The following TAB2 variants were observed in gnomAD, a reference collection of about 807,000 sequenced individuals.
The protein encoded by TAB2 is TGF-beta-activated kinase 1 and MAP3K7-binding protein 2.
A neutral mutation model predicts 65.0 loss-of-function variants in TAB2; 3 were observed. The observed-to-expected ratio is 0.05, with a 90% CI of 0.02 to 0.12. TAB2 has a LOEUF of 0.12. TAB2 is among the 10% of genes least tolerant of loss of function. The pLI is 1.00. For missense variants in TAB2, 623 were observed against 840.3 expected (o/e 0.74, Z 3.20); for synonymous variants, 298 against 285.1 (o/e 1.05, Z -0.46).
At position 149,225,350 on chromosome 6, in the gene TAB2, G is replaced by A. The variant is rs531584850; in HGVS notation, c.-121+6574G>A. On this transcript the variant is annotated intron_variant, in intron 1 of 1. Transcript: ENST00000606202. ...ATTGGAAGGTACTTGACTAGCGGGG[G>A]AAAGAAAAAAAAAAGAATATTGGAA... Among the ~76,000 whole-genome samples, 100 of 149,258 alleles carry A rather than the reference G, an allele frequency of 6.7e-4. No individual in the cohort carries two copies. The South Asian group carries it at 0.014, about 21-fold the overall frequency.
intron 1 of TAB2, among the ~76,000 whole-genome samples, chr6:149,356,072 A>G (rs894689931): frequency 1.3e-5 from 2 of 152,184 alleles, no homozygotes; most frequent in African/African-American, 4.8e-5. Context: ...TTAAAATTTG[A>G]ATTATTGAAT....
intron 1 of TAB2, among the ~76,000 whole-genome samples, chr6:149,328,268 ATTC>A (rs1373201123): frequency 6.6e-6 from 1 of 152,136 alleles, no homozygotes; most frequent in Admixed American, 6.5e-5. Flanking sequence ...TGCCTTACTC[ATTC>A]TTCTATTGTG....
rs1230134333 is a variant in TAB2 at position 149,397,719 on chromosome 6, T to C, written c.1719T>C (p.Thr573=). ...TTAATGAAATGGAAAATAATCTAACTCGAAGGCGCCTGAAAAGATCAAATT... is the reference window on the plus strand; with the variant it reads ...TTAATGAAATGGAAAATAATCTAACCCGAAGGCGCCTGAAAAGATCAAATT... ...SEVNEMENNL[T]RRRLKRSNSI... Residue 573 remains threonine (T), a synonymous_variant, in exon 4 of 7, where the codon ACT becomes ACC. Coordinates refer to ENST00000637181, the MANE Select transcript of TAB2 (RefSeq NM_001292034.3). The C allele has an allele frequency of 6.2e-7, 1 of 1,613,942 alleles. No homozygotes were observed. The highest frequency in any genetic ancestry group is 2.2e-5 in the East Asian group (1 of 44,864).
intron 1 of TAB2, among the ~76,000 whole-genome samples, chr6:149,261,620 G>C (rs1329213791): frequency 6.6e-6 from 1 of 152,156 alleles, no homozygotes. Context: ...TGTACTGACA[G>C]CATTGTTAAA....
At chr6:149,396,434 C>G (rs1231646736) in intron 3 of TAB2, among the ~76,000 whole-genome samples, 1 of 152,250 alleles carries the variant, frequency 6.6e-6, no homozygotes, top group Non-Finnish European at 1.5e-5. Context: ...AGGTCACCAA[C>G]TGTCTTTGTA....
chr6:149,229,987 C>T (rs760430528), intron 1 of TAB2: 16 of 152,172 alleles, frequency 1.1e-4, no homozygotes, highest in Non-Finnish European at 1.9e-4. Flanking sequence ...ACACCTCTCC[C>T]AGAAGTGGGT....
intron 1 of TAB2, among the ~76,000 whole-genome samples, chr6:149,259,783 G>C (rs182792179): frequency 6.6e-6 from 1 of 152,192 alleles, no homozygotes; most frequent in Non-Finnish European, 1.5e-5. Context: ...TGAGGAATAA[G>C]AGACATGATA....
At chr6:149,384,713 G>C (rs953463790) in intron 3 of TAB2, among the ~76,000 whole-genome samples, 1 of 152,120 alleles carries the variant, frequency 6.6e-6, no homozygotes, top group Non-Finnish European at 1.5e-5. Context: ...CTATCATTCA[G>C]CATATTCTGA....
intron 1 of TAB2, among the ~76,000 whole-genome samples, chr6:149,335,334 AAT>A (rs1491203020): frequency 6.6e-6 from 1 of 150,866 alleles, no homozygotes; most frequent in East Asian, 1.9e-4. Context: ...ATATATAAAA[AAT>A]ATATGTGTGT....
At chr6:149,224,091 G>A (rs1777215969) in intron 1 of TAB2, among the ~76,000 whole-genome samples, 1 of 152,200 alleles carries the variant, frequency 6.6e-6, no homozygotes, top group South Asian at 2.1e-4. Context: ...AAAGGGGCAT[G>A]TTGGACCCAG....
At chr6:149,407,289 C>T (rs1782697718) in intron 6 of TAB2, among the ~76,000 whole-genome samples, 1 of 152,130 alleles carries the variant, frequency 6.6e-6, no homozygotes, top group South Asian at 2.1e-4. Flanking sequence ...AATCTTCCTA[C>T]CCTTTTTGAA....
chr6:149,268,432 A>G (rs1294891024), intron 1 of TAB2, among the ~76,000 whole-genome samples: 2 of 152,246 alleles, frequency 1.3e-5, no homozygotes, highest in Admixed American at 1.3e-4. Context: ...AGAGGTGAGA[A>G]TGAATGTTCT....
At chr6:149,235,250 C>T (rs1373470594) in intron 1 of TAB2, among the ~76,000 whole-genome samples, 1 of 152,188 alleles carries the variant, frequency 6.6e-6, no homozygotes, top group Non-Finnish European at 1.5e-5. Context: ...TCCCGGATGA[C>T]ACACTGTAAG....
In TAB2 at chr6:149,369,981, G is replaced by C. The variant is rs1346204487; in HGVS notation, c.-17G>C. ...AATTGCCTACTGTACAAATAGTCCTGATCAGGCAATATACGAATGGCCCAA... is the reference window on the plus strand; with the variant it reads ...AATTGCCTACTGTACAAATAGTCCTCATCAGGCAATATACGAATGGCCCAA... On this transcript the variant is annotated 5_prime_UTR_variant, in exon 2 of 7. Coordinates refer to ENST00000637181, the MANE Select transcript of TAB2 (RefSeq NM_001292034.3). The C allele has an allele frequency of 1.2e-6, 2 of 1,603,768 alleles. No homozygotes were observed. The highest frequency in any genetic ancestry group is 1.7e-6 in the Non-Finnish European group (2 of 1,170,696).
chr6:149,393,945 T>G (rs1246146744), intron 3 of TAB2, among the ~76,000 whole-genome samples: 3 of 152,186 alleles, frequency 2.0e-5, no homozygotes, highest in South Asian at 4.1e-4. Context: ...GTGTTTTGTT[T>G]TAGCATTATT....
intron 1 of TAB2, among the ~76,000 whole-genome samples, chr6:149,309,880 G>GTT (rs1277307567): frequency 8.8e-6 from 1 of 113,198 alleles, no homozygotes; most frequent in Non-Finnish European, 1.8e-5. Context: ...GTGTGTGGGT[G>GTT]TGGGTGTGTG....
chr6:149,318,173 C>G (rs1432630243), intron 1 of TAB2, among the ~76,000 whole-genome samples, 158 bp downstream of exon 1: 6 of 152,138 alleles, frequency 3.9e-5, no homozygotes, highest in Non-Finnish European at 7.4e-5. Flanking sequence ...CCGCCTCTTT[C>G]CTTCCCCCAG....
chr6:149,406,604 A>C (rs1167872754), intron 6 of TAB2, among the ~76,000 whole-genome samples: 1 of 152,228 alleles, frequency 6.6e-6, no homozygotes, highest in Non-Finnish European at 1.5e-5. Flanking sequence ...AAGAAATGGG[A>C]ACAAGGAAGA....
chr6:149,383,262 A>T (rs892595779), intron 3 of TAB2, among the ~76,000 whole-genome samples: 1 of 152,208 alleles, frequency 6.6e-6, no homozygotes, highest in South Asian at 2.1e-4. Context: ...GTAAAAATAA[A>T]AAAACTTTCT....
Sources: allele counts gnomAD v4.1 joint callset (sites outside exome capture counted in the v4.1 genomes callset), GRCh38; gene constraint gnomAD v4.1.1; transcripts MANE v1.5; gene names NCBI Gene and HGNC (gene_info 2026-07-23, HGNC 2026-07-21).